The following PTER variants were observed in gnomAD, a reference collection of about 807,000 sequenced individuals.
The protein encoded by PTER is N-acetyltaurine hydrolase.
In PTER, 38 loss-of-function variants were observed where a neutral mutation model predicts 29.6. The ratio of observed to expected loss-of-function variants is 1.28; its 90% confidence interval spans 0.99 to 1.68. The LOEUF (loss-of-function observed/expected upper bound fraction) is 1.68, where lower values mean the gene tolerates loss of function less well. Ranked by LOEUF, PTER falls within the 40% of genes most tolerant of loss-of-function variation. PTER has a pLI of 0.00. For synonymous variants in PTER, 172 were observed against 154.5 expected (o/e 1.11, Z -0.84); for missense variants, 482 against 427.8 (o/e 1.13, Z -1.12).
rs919372495 is a variant in PTER at position 16,484,197 on chromosome 10, T to G, written c.-48-140T>G. 12 of 584,050 alleles carry G rather than the reference T, an allele frequency of 2.1e-5. No homozygotes were observed. The African/African-American group carries it at 2.2e-4, about 11-fold the overall frequency. The allele number at this position is 584,050 out of a possible 1,614,324, so 36.2% of individuals were successfully genotyped here. A position where few individuals can be genotyped will look rare whatever the true frequency, so the allele number is the denominator to read the frequency against. ...GGATAGATTCTGAAGTCGGCAGGAT[T>G]GTGAGATCGTATCTCTAGTTTTATT... is the stretch of plus-strand genomic sequence containing the variant. On this transcript the variant is annotated intron_variant, in intron 1 of 4. Transcript: ENST00000535784.
At chr10:16,503,535 G>A (rs1465316171) in intron 3 of PTER, among the ~76,000 whole-genome samples, 1 of 152,118 alleles carries the variant, frequency 6.6e-6, no homozygotes, top group African/African-American at 2.4e-5. Flanking sequence ...CTCCCAAGTA[G>A]CTGGGATTAC....
intron 1 of PTER, among the ~76,000 whole-genome samples, chr10:16,466,607 C>T (rs1194091204): frequency 6.6e-6 from 1 of 152,242 alleles, no homozygotes; most frequent in Non-Finnish European, 1.5e-5. Flanking sequence ...CCGCCTGTCT[C>T]TGCCTCCCAA....
intron 3 of PTER, among the ~76,000 whole-genome samples, chr10:16,497,266 A>T (rs910678191): frequency 6.6e-6 from 1 of 152,126 alleles, no homozygotes; most frequent in Non-Finnish European, 1.5e-5. Flanking sequence ...CCCTACCAAC[A>T]TTTGTCTAAA....
chr10:16,454,945 C>T (rs149750912), intron 1 of PTER, among the ~76,000 whole-genome samples: 2 of 152,130 alleles, frequency 1.3e-5, no homozygotes, highest in Non-Finnish European at 2.9e-5. Flanking sequence ...AAAGACTAAA[C>T]TGGCCAGGTG....
At chr10:16,486,707 A>G in intron 3 of PTER, 90 bp downstream of exon 3, 1 of 1,380,034 alleles carries the variant, frequency 7.2e-7, no homozygotes, top group South Asian at 1.4e-5. Flanking sequence ...TCAATGCAAT[A>G]CTAATCACGC....
chr10:16,464,514 C>T (rs1834737104), intron 1 of PTER, among the ~76,000 whole-genome samples: 1 of 152,188 alleles, frequency 6.6e-6, no homozygotes, highest in Admixed American at 6.5e-5. Flanking sequence ...GTTTCTCCAG[C>T]TTTCAACCTG....
At chr10:16,446,264 G>A (rs987856861) in intron 1 of PTER, among the ~76,000 whole-genome samples, 23 of 150,338 alleles carry the variant, frequency 1.5e-4, no homozygotes, top group Admixed American at 4.0e-4. Flanking sequence ...CGCCCAGGCT[G>A]GAGTGTAGCA....
At chr10:16,462,724 C>T (rs1218597872) in intron 1 of PTER, among the ~76,000 whole-genome samples, 1 of 151,890 alleles carries the variant, frequency 6.6e-6, no homozygotes, top group Non-Finnish European at 1.5e-5. Flanking sequence ...GCATGTACTA[C>T]CATGCCTGGC....
At chr10:16,477,286 AG>A (rs1835309219) in intron 1 of PTER, among the ~76,000 whole-genome samples, 1 of 141,908 alleles carries the variant, frequency 7.0e-6, no homozygotes, top group Non-Finnish European at 1.5e-5. Context: ...ATAGATAGAT[AG>A]ATAGATAGAT....
chr10:16,438,518 AGGTT>A (rs1833736364), intron 1 of PTER, among the ~76,000 whole-genome samples: 1 of 147,956 alleles, frequency 6.8e-6, no homozygotes, highest in Non-Finnish European at 1.5e-5. Flanking sequence ...CATTTTGTCC[AGGTT>A]GGTGTCAAAC....
At chr10:16,437,328 A>G (rs1185232433) in intron 1 of PTER, 1 of 131,510 alleles carries the variant, frequency 7.6e-6, no homozygotes, top group Non-Finnish European at 1.6e-5. Context: ...AGCCTCCTTT[A>G]ATAAGCTTTT....
intron 1 of PTER, among the ~76,000 whole-genome samples, chr10:16,447,135 C>G (rs1340503484): frequency 4.5e-5 from 6 of 132,362 alleles, no homozygotes; most frequent in Non-Finnish European, 6.2e-5. Context: ...GAGTCTTGCT[C>G]TCTTGCCCAG....
chr10:16,454,301 A>G (rs1270209695), intron 1 of PTER, among the ~76,000 whole-genome samples: 1 of 152,122 alleles, frequency 6.6e-6, no homozygotes, highest in Non-Finnish European at 1.5e-5. Flanking sequence ...CCTGCCAGGC[A>G]CGGTGGCTCA....
intron 1 of PTER, among the ~76,000 whole-genome samples, chr10:16,449,815 A>T (rs145587250): frequency 2.4e-3 from 361 of 151,892 alleles, no homozygotes; most frequent in Non-Finnish European, 4.4e-3. Context: ...TGACTAATCC[A>T]CTCTAGCATC....
At chr10:16,442,310 T>G (rs548534478) in intron 1 of PTER, among the ~76,000 whole-genome samples, 1 of 152,246 alleles carries the variant, frequency 6.6e-6, no homozygotes, top group Admixed American at 6.5e-5. Context: ...ATGTCTCATC[T>G]CCTACATTCT....
chr10:16,509,295 T>TGAG lies in PTER; in HGVS notation c.840-1751_840-1750insGAG, dbSNP rs1554794630. 3.9e-5 allele frequency among the ~76,000 whole-genome samples: 6 copies of TGAG among 152,050 alleles called. No individual in the cohort carries two copies. The East Asian group carries it at 5.8e-4, about 15-fold the overall frequency. ...CAGAGCCATAACGTTATCTTTCTCATAAGTAGTCTCCAGATTCTTGACTTA... is the reference window on the plus strand; with the variant it reads ...CAGAGCCATAACGTTATCTTTCTCATGAGAAGTAGTCTCCAGATTCTTGACTTA... On this transcript the variant is annotated intron_variant, in intron 4 of 4. Coordinates refer to ENST00000535784, the MANE Select transcript of PTER (RefSeq NM_001261836.2).
At chr10:16,516,206 A>C (rs527983986), downstream of PTER, among the ~76,000 whole-genome samples, 1 of 152,194 alleles carries the variant, frequency 6.6e-6, no homozygotes, top group Non-Finnish European at 1.5e-5. Flanking sequence ...TGAAAGCAAT[A>C]TACCATGTAA....
At chr10:16,445,157 G>A (rs1484981974) in intron 1 of PTER, among the ~76,000 whole-genome samples, 1 of 152,160 alleles carries the variant, frequency 6.6e-6, no homozygotes, top group Non-Finnish European at 1.5e-5. Flanking sequence ...GGCAAAATTC[G>A]ATACCTATAT....
chr10:16,448,192 T>C (rs574806580), intron 1 of PTER, among the ~76,000 whole-genome samples: 112 of 152,322 alleles, frequency 7.4e-4, no homozygotes, highest in African/African-American at 2.5e-3. Flanking sequence ...GCCTCTGCTG[T>C]GATTCCCCTA....
Sources: gnomAD v4.1 joint callset for allele counts (sites outside exome capture counted in the v4.1 genomes callset) on GRCh38, gnomAD v4.1.1 for gene constraint, MANE v1.5 for transcripts, NCBI Gene and HGNC (gene_info 2026-07-23, HGNC 2026-07-21) for gene names.